The following STK11 variants were observed in gnomAD, a reference collection of about 807,000 sequenced individuals.
STK11 encodes serine/threonine kinase 11.
A neutral mutation model predicts 47.3 loss-of-function variants in STK11; 8 were observed. The ratio of observed to expected loss-of-function variants is 0.17; its 90% CI spans 0.10 to 0.31. The LOEUF (loss-of-function observed/expected upper bound fraction) is 0.31. Ranked by LOEUF, STK11 falls within the 10% of genes least tolerant of loss-of-function variation. The probability of loss-of-function intolerance (pLI) is 1.00; values close to 1 mark genes in which losing one functional copy is unlikely to be tolerated. For missense variants in STK11, 475 were observed against 605.0 expected (o/e 0.79, Z 2.25); for synonymous variants, 330 against 255.8 (o/e 1.29, Z -2.77).
chr19:1,212,510 C>T (rs1307164387), intron 1 of STK11, among the ~76,000 whole-genome samples: 1 of 152,070 alleles, frequency 6.6e-6, no homozygotes, highest in South Asian at 2.1e-4. Flanking sequence ...CCTGGGCCTC[C>T]CAGAGTGCTG....
At chr19:1,211,799 T>G (rs545670090) in intron 1 of STK11, among the ~76,000 whole-genome samples, 8 of 152,232 alleles carry the variant, frequency 5.3e-5, no homozygotes, top group Non-Finnish European at 1.0e-4. Context: ...TGGGCGGCAC[T>G]CAGTGTGCCT....
intron 8 of STK11, chr19:1,223,555 TGA>T (rs2080800792): frequency 2.8e-6 from 3 of 1,063,914 alleles, no homozygotes; most frequent in South Asian, 3.3e-5. Flanking sequence ...ACAGCTGGCA[TGA>T]GAGAGGGTCC....
chr19:1,220,331 C>A, intron 3 of STK11, 42 bp from the exon 4 acceptor site: 2 of 1,577,088 alleles, frequency 1.3e-6, no homozygotes, highest in Non-Finnish European at 1.7e-6. Flanking sequence ...CTGTGAGGGG[C>A]AGGGAGGCCT....
intron 1 of STK11, among the ~76,000 whole-genome samples, chr19:1,215,173 G>A (rs994386057): frequency 4.4e-5 from 6 of 137,918 alleles, no homozygotes; most frequent in African/African-American, 1.5e-4. Flanking sequence ...GGCCTTTGCC[G>A]AGCCCAGCCT....
intron 1 of STK11, among the ~76,000 whole-genome samples, chr19:1,211,283 C>G (rs1568695337): frequency 1.3e-5 from 2 of 152,144 alleles, no homozygotes; most frequent in African/African-American, 4.8e-5. Context: ...GAAATTGTGT[C>G]TCAAAAAAAC....
chr19:1,221,815 C>T, intron 6 of STK11, 134 bp from the exon 7 acceptor site: 1 of 997,524 alleles, frequency 1.0e-6, no homozygotes. Flanking sequence ...GGGAGACCGC[C>T]TGTGCGCGGG....
chr19:1,206,717 C>T lies in STK11; in HGVS notation c.-197C>T. The stretch of plus-strand genomic sequence containing the variant: ...CCGCAGACCCTGCACCGGGCTTGGA[C>T]TCGCAGCCGGGACTGACGTGTAGAA... On this transcript the variant is annotated 5_prime_UTR_variant, in exon 1 of 10. Coordinates refer to ENST00000326873, the MANE Select transcript of STK11 (RefSeq NM_000455.5). The T allele has an allele frequency of 2.6e-6, 2 of 769,320 alleles. No individual in the cohort carries two copies. Among genetic ancestry groups the T allele is most frequent in the Non-Finnish European group, 4.0e-6 (2 of 502,494 alleles). 47.7% of individuals were successfully genotyped at this position (769,320 alleles called of 1,614,324 possible). A position where few individuals can be genotyped will look rare whatever the true frequency, so the allele number is the denominator to read the frequency against.
intron 7 of STK11, 46 bp from the exon 8 acceptor site, chr19:1,222,939 C>T (rs2145430417): frequency 1.3e-6 from 2 of 1,505,364 alleles, no homozygotes; most frequent in South Asian, 2.6e-5. Context: ...AACTGGACCG[C>T]CCTGGTGCCA....
intron 1 of STK11, among the ~76,000 whole-genome samples, chr19:1,212,567 CTTAT>C (rs1179442135): frequency 1.3e-5 from 2 of 151,156 alleles, no homozygotes; most frequent in Non-Finnish European, 3.0e-5. Context: ...CCTTTATTTA[CTTAT>C]TTATTTATTT....
rs727503759 is a variant in STK11 at position 1,218,398 on chromosome 19, CCT to C, written c.291-18_291-17del. 62 of 1,609,638 alleles carry C rather than the reference CCT, an allele frequency of 3.9e-5. No individual in the cohort carries two copies. The highest frequency in any genetic ancestry group is 6.7e-5 in the East Asian group (3 of 44,872). ...CTGACGTTGGGTCGGCTGATACACC[CCT>C]GTCCTCTCTGTCCCAGGGAAATTCA... On this transcript the variant is annotated splice_polypyrimidine_tract_variant and intron_variant, in intron 1 of 9. Transcript: ENST00000326873.
At chr19:1,219,836 C>T (rs1052837535) in intron 3 of STK11, among the ~76,000 whole-genome samples, 3 of 152,236 alleles carry the variant, frequency 2.0e-5, no homozygotes, top group East Asian at 1.9e-4. Flanking sequence ...TGAGCTACCA[C>T]GCCCGGCCTT....
At position 1,223,110 on chromosome 19, in the gene STK11, A is replaced by G. The variant is rs757815836; in HGVS notation, c.1046A>G (p.Glu349Gly). The G allele has an allele frequency of 1.2e-6, 2 of 1,611,664 alleles. No individual in the cohort carries two copies. The highest frequency in any genetic ancestry group is 1.7e-6 in the Non-Finnish European group (2 of 1,179,456). Residue 349 changes from glutamate to glycine, a missense_variant, in exon 8 of 10, where the codon GAG becomes GGG. Physicochemically the swap from Glu to Gly is moderately conservative, Grantham distance 98 (BLOSUM62 -2). Around this residue, in one of 5 missense-constraint regions of STK11, gnomAD observed 219 missense variants for 189.2 expected, o/e 1.16. Coordinates refer to ENST00000326873, the MANE Select transcript of STK11 (RefSeq NM_000455.5). ...PYLEDLHGADEDEDLFDIEDD... is the reference protein window; with the variant it reads ...PYLEDLHGADGDEDLFDIEDD... ...TTGGAGGACCTGCACGGCGCGGACGAGGACGAGGACCTCTTCGACATCGAG... is the reference window on the plus strand; with the variant it reads ...TTGGAGGACCTGCACGGCGCGGACGGGGACGAGGACCTCTTCGACATCGAG...
chr19:1,216,396 A>C (rs2080744869), intron 1 of STK11: 2 of 167,224 alleles, frequency 1.2e-5, no homozygotes, highest in South Asian at 4.0e-4. Flanking sequence ...CCTGGCCAAC[A>C]TGGTGAAACC....
chr19:1,211,664 G>C (rs1006763821), intron 1 of STK11, among the ~76,000 whole-genome samples: 3 of 152,202 alleles, frequency 2.0e-5, no homozygotes, highest in Non-Finnish European at 2.9e-5. Flanking sequence ...CTGTGCTTTC[G>C]TATCTTTTCT....
chr19:1,226,244 G>A, intron 8 of STK11: 1 of 1,414,252 alleles, frequency 7.1e-7, no homozygotes. Flanking sequence ...CTCCTGCCCA[G>A]GCCATCTGCG....
At chr19:1,223,636 A>T in intron 8 of STK11, 1 of 1,066,368 alleles carries the variant, frequency 9.4e-7, no homozygotes, top group South Asian at 3.9e-5. Context: ...CTTCTTCCCT[A>T]GGTGGCGAGG....
At chr19:1,207,231 C>T (rs754675447) in intron 1 of STK11, 28 bp downstream of exon 1, 13 of 1,572,412 alleles carry the variant, frequency 8.3e-6, no homozygotes, top group Admixed American at 3.8e-5. Flanking sequence ...GGGTCGGGGC[C>T]GGGCCGGGCC....
At chr19:1,213,523 C>T (rs1568698055) in intron 1 of STK11, among the ~76,000 whole-genome samples, 1 of 152,240 alleles carries the variant, frequency 6.6e-6, no homozygotes, top group Admixed American at 6.5e-5. Flanking sequence ...TGTCACACAC[C>T]GCGTGGCCTT....
chr19:1,208,607 CTTTTTTTTTTTTT>C (rs71174355), intron 1 of STK11, among the ~76,000 whole-genome samples: 4 of 37,780 alleles, frequency 1.1e-4, no homozygotes, highest in Admixed American at 4.2e-4. Context: ...CGCGTGCGGC[CTTTTTTTTTTTTT>C]TTTTTTTTTT....
Sources: gnomAD v4.1 joint callset for allele counts (sites outside exome capture counted in the v4.1 genomes callset) on GRCh38, gnomAD v4.1.1 for gene constraint, gnomAD v4.1.1 regional missense constraint, MANE v1.5 for transcripts, NCBI Gene and HGNC (gene_info 2026-07-23, HGNC 2026-07-21) for gene names.